The following ROBO1 variants were observed in gnomAD, a reference collection of about 807,000 sequenced individuals.
ROBO1 encodes roundabout guidance receptor 1.
ROBO1 carries 149 observed loss-of-function variants against 195.9 expected under a neutral mutation model. The observed-to-expected ratio is 0.76, with a 90% confidence interval of 0.67 to 0.87. The LOEUF (loss-of-function observed/expected upper bound fraction) is 0.87, where lower values mean the gene tolerates loss of function less well. Ranked by LOEUF, ROBO1 falls within the 40% of genes least tolerant of loss-of-function variation. The pLI, the probability that ROBO1 is intolerant of heterozygous loss-of-function variation, is 0.00. For synonymous variants in ROBO1, 816 were observed against 733.2 expected, an observed-to-expected ratio of 1.11 and a Z score of -1.82; for missense variants, 1,933 against 2,068.3, an observed-to-expected ratio of 0.93 and a Z score of 1.27.
chr3:79,155,448 G>C (rs533261658), intron 2 of ROBO1, among the ~76,000 whole-genome samples: 8 of 151,716 alleles, frequency 5.3e-5, no homozygotes, highest in African/African-American at 1.7e-4. Flanking sequence ...CCAAAAATAA[G>C]ACCTTTTTTC....
chr3:79,217,351 G>A (rs1394266651), intron 2 of ROBO1, among the ~76,000 whole-genome samples: 1 of 151,578 alleles, frequency 6.6e-6, no homozygotes, highest in Non-Finnish European at 1.5e-5. Context: ...TGCCTTTATT[G>A]TAAGACAGAT....
At chr3:78,723,218 C>T (rs1027182513) in intron 5 of ROBO1, among the ~76,000 whole-genome samples, 1 of 152,092 alleles carries the variant, frequency 6.6e-6, no homozygotes, top group Non-Finnish European at 1.5e-5. Flanking sequence ...TTTAGATACA[C>T]AAAAAACTTG....
chr3:79,753,478 G>A (rs1704230757), intron 1 of ROBO1, among the ~76,000 whole-genome samples: 1 of 152,146 alleles, frequency 6.6e-6, no homozygotes, highest in African/African-American at 2.4e-5. Flanking sequence ...AATCAGTGAT[G>A]ATATTGTCCA....
intron 4 of ROBO1, among the ~76,000 whole-genome samples, chr3:78,876,201 T>G (rs530767909): frequency 6.6e-6 from 1 of 152,224 alleles, no homozygotes; most frequent in South Asian, 2.1e-4. Context: ...TCAAGTTGCA[T>G]AGTAACATAT....
intron 3 of ROBO1, among the ~76,000 whole-genome samples, chr3:78,950,589 C>G (rs2040724067): frequency 6.6e-6 from 1 of 150,798 alleles, no homozygotes; most frequent in Non-Finnish European, 1.5e-5. Context: ...GTGCAGCACA[C>G]CAACATGGCA....
chr3:79,211,471 G>A (rs2081964888), intron 2 of ROBO1, among the ~76,000 whole-genome samples: 1 of 152,132 alleles, frequency 6.6e-6, no homozygotes, highest in Non-Finnish European at 1.5e-5. Context: ...CTCTCTGCAT[G>A]ACCCAGCTCT....
At chr3:79,550,679 C>CAAAGCAAATAATTCAATCACTTTA (rs1341280719) in intron 2 of ROBO1, among the ~76,000 whole-genome samples, 1 of 151,980 alleles carries the variant, frequency 6.6e-6, no homozygotes, top group Admixed American at 6.6e-5. Flanking sequence ...CAGCAAATAC[C>CAAAGCAAATAATTCAATCACTTTA]AAAGCAAATA....
chr3:79,006,878 T>C (rs548582574), intron 3 of ROBO1, among the ~76,000 whole-genome samples: 3 of 152,048 alleles, frequency 2.0e-5, no homozygotes, highest in African/African-American at 4.8e-5. Context: ...AGCTTCTTAA[T>C]ACATTTTAAA....
intron 2 of ROBO1, among the ~76,000 whole-genome samples, chr3:79,428,127 A>T (rs923168927): frequency 1.3e-5 from 2 of 152,154 alleles, no homozygotes; most frequent in African/African-American, 4.8e-5. Flanking sequence ...TAATCTGATT[A>T]AAAAATGGGC....
chr3:78,903,728 T>C (rs1443454368), intron 4 of ROBO1, among the ~76,000 whole-genome samples: 3 of 152,164 alleles, frequency 2.0e-5, no homozygotes, highest in Admixed American at 1.3e-4. Flanking sequence ...TTCCTTACTA[T>C]ACCAATATCA....
chr3:79,592,428 T>C (rs973811861), intron 1 of ROBO1, among the ~76,000 whole-genome samples: 4 of 152,042 alleles, frequency 2.6e-5, no homozygotes, highest in African/African-American at 7.2e-5. Context: ...AAACATAATA[T>C]GATTTTTAAG....
intron 2 of ROBO1, among the ~76,000 whole-genome samples, chr3:79,258,309 T>C (rs2082875924): frequency 6.6e-6 from 1 of 152,184 alleles, no homozygotes; most frequent in Non-Finnish European, 1.5e-5. Context: ...ACATGTGAAA[T>C]ATGTTCTAAT....
At chr3:79,077,473 A>G (rs1323651703) in intron 3 of ROBO1, among the ~76,000 whole-genome samples, 3 of 151,930 alleles carry the variant, frequency 2.0e-5, no homozygotes, top group Admixed American at 1.3e-4. Flanking sequence ...CTATGTGTGT[A>G]TATATACATA....
chr3:79,210,016 C>T (rs1019714456), intron 2 of ROBO1, among the ~76,000 whole-genome samples: 1 of 152,108 alleles, frequency 6.6e-6, no homozygotes, highest in African/African-American at 2.4e-5. Flanking sequence ...GGCAAAAGAT[C>T]TCTACAAGGA....
chr3:79,042,687 G>A (rs901162743), intron 3 of ROBO1, among the ~76,000 whole-genome samples: 6 of 152,164 alleles, frequency 3.9e-5, no homozygotes, highest in African/African-American at 2.4e-5. Context: ...TACAAAATGA[G>A]AAATGTGTCA....
chr3:78,910,091 T>C (rs1485876111), intron 4 of ROBO1, among the ~76,000 whole-genome samples: 1 of 151,816 alleles, frequency 6.6e-6, no homozygotes, highest in Non-Finnish European at 1.5e-5. Flanking sequence ...CTTAACATTA[T>C]ATTACTTAAG....
chr3:79,453,320 A>G (rs898350810), intron 2 of ROBO1, among the ~76,000 whole-genome samples: 41 of 152,184 alleles, frequency 2.7e-4, no homozygotes, highest in Admixed American at 2.7e-3. Context: ...TAACTGAAAA[A>G]CCAAAGCCCT....
chr3:78,854,784 TA>T (rs1013152803), intron 4 of ROBO1, among the ~76,000 whole-genome samples: 82 of 152,054 alleles, frequency 5.4e-4, no homozygotes, highest in Non-Finnish European at 1.1e-3. Context: ...GAAATTTGTC[TA>T]AAAAAATGCG....
intron 2 of ROBO1, among the ~76,000 whole-genome samples, chr3:79,535,977 G>A (rs1044437940): frequency 6.6e-6 from 1 of 151,946 alleles, no homozygotes; most frequent in African/African-American, 2.4e-5. Flanking sequence ...ATAAATATCT[G>A]CCTTTCCCTG....
Sources: allele counts gnomAD v4.1 joint callset (sites outside exome capture counted in the v4.1 genomes callset), GRCh38; gene constraint gnomAD v4.1.1; transcripts MANE v1.5; gene names NCBI Gene and HGNC (gene_info 2026-07-23, HGNC 2026-07-21).